Variants in FSTL5 observed in about 807,000 individuals in gnomAD.
The protein encoded by FSTL5 is follistatin-related protein 5.
In FSTL5, 62 loss-of-function variants were observed where a neutral mutation model predicts 89.1. That is an observed-to-expected ratio of 0.70 (90% confidence interval 0.57 to 0.86). FSTL5 has a LOEUF of 0.86. FSTL5 is among the 40% of genes least tolerant of loss of function. The probability of loss-of-function intolerance (pLI) is 0.00; values close to 1 mark genes in which losing one functional copy is unlikely to be tolerated. For missense variants in FSTL5, 1,057 were observed against 1,001.6 expected (o/e 1.06, Z -0.75); for synonymous variants, 383 against 346.2 (o/e 1.11, Z -1.18).
chr4:161,951,797 T>A (rs1346753611), intron 3 of FSTL5, among the ~76,000 whole-genome samples: 1 of 152,034 alleles, frequency 6.6e-6, no homozygotes, highest in East Asian at 1.9e-4. Context: ...GAAATGTACT[T>A]TGAGATTTTA....
chr4:161,725,565 AAT>A (rs577632151), intron 6 of FSTL5, among the ~76,000 whole-genome samples: 141 of 151,994 alleles, frequency 9.3e-4, no homozygotes, highest in African/African-American at 3.1e-3. Flanking sequence ...CTTTTGAAAA[AAT>A]ATATTTTCTT....
At chr4:162,066,299 T>TTTC (rs1222795843) in intron 2 of FSTL5, among the ~76,000 whole-genome samples, 22 of 70,156 alleles carry the variant, frequency 3.1e-4, no homozygotes, top group African/African-American at 1.1e-3. Context: ...TCCTCCTACT[T>TTTC]TTCTTCTTCT....
chr4:161,423,261 A>G (rs577223066), intron 15 of FSTL5, among the ~76,000 whole-genome samples: 16 of 152,326 alleles, frequency 1.1e-4, no homozygotes, highest in African/African-American at 3.1e-4. Context: ...AGTATAAAAT[A>G]TTATGATCCT....
rs750267215 is a variant in FSTL5, at chr4:162,048,577, C to T, written c.127-14919G>A. Among the ~76,000 whole-genome samples, 2 of 140,496 alleles carry T rather than the reference C, an allele frequency of 1.4e-5. 1 individual carries two copies. Among genetic ancestry groups the T allele is most frequent in the African/African-American group, 5.4e-5 (2 of 36,770 alleles). 92.2% of individuals were successfully genotyped at this position (140,496 alleles called of 152,430 possible). Reference sequence around the variant, plus strand: ...AAAATGTTGACTTACTGCACATGTACATTTAATACCATTATACACATACAC... The same window carrying T: ...AAAATGTTGACTTACTGCACATGTATATTTAATACCATTATACACATACAC... On this transcript the variant is annotated intron_variant, in intron 2 of 15. Coordinates refer to ENST00000306100, the MANE Select transcript of FSTL5 (RefSeq NM_020116.5).
At chr4:161,772,483 T>A (rs189189435) in intron 5 of FSTL5, among the ~76,000 whole-genome samples, 1 of 143,762 alleles carries the variant, frequency 7.0e-6, no homozygotes, top group Admixed American at 6.8e-5. Context: ...CTAGAACTGA[T>A]AAATGAATTC....
intron 2 of FSTL5, among the ~76,000 whole-genome samples, chr4:162,046,684 A>C (rs1198368946): frequency 6.6e-6 from 1 of 152,186 alleles, no homozygotes; most frequent in Non-Finnish European, 1.5e-5. Flanking sequence ...GTGATAAATA[A>C]TGATGATTTT....
chr4:161,862,527 G>C (rs1032899295), intron 4 of FSTL5, among the ~76,000 whole-genome samples: 1 of 152,130 alleles, frequency 6.6e-6, no homozygotes, highest in Non-Finnish European at 1.5e-5. Flanking sequence ...CAGGTCAAGA[G>C]ATAGAGACCA....
chr4:161,934,392 G>A (rs1045043849), intron 3 of FSTL5, among the ~76,000 whole-genome samples: 1 of 152,044 alleles, frequency 6.6e-6, no homozygotes, highest in Non-Finnish European at 1.5e-5. Context: ...TAGAAGAAAA[G>A]AAAGTATTTA....
chr4:161,884,831 G>A (rs745916991), intron 4 of FSTL5, among the ~76,000 whole-genome samples: 10 of 152,138 alleles, frequency 6.6e-5, no homozygotes, highest in Non-Finnish European at 1.3e-4. Flanking sequence ...TGAAACTGAT[G>A]TTCGTCTTGC....
intron 6 of FSTL5, among the ~76,000 whole-genome samples, chr4:161,657,467 AT>A (rs1560774610): frequency 6.6e-6 from 1 of 152,172 alleles, no homozygotes; most frequent in Non-Finnish European, 1.5e-5. Flanking sequence ...GAGTGAAATA[AT>A]TGTCCTCTGT....
chr4:161,844,019 T>C (rs577835945), intron 4 of FSTL5, among the ~76,000 whole-genome samples: 1 of 152,018 alleles, frequency 6.6e-6, no homozygotes, highest in Non-Finnish European at 1.5e-5. Flanking sequence ...ACCTATAGAA[T>C]TGGAGAAAAT....
chr4:161,535,365 C>T (rs1226501614), intron 10 of FSTL5, among the ~76,000 whole-genome samples: 1 of 151,936 alleles, frequency 6.6e-6, no homozygotes, highest in Non-Finnish European at 1.5e-5. Context: ...AATCTACAAA[C>T]ATCTTAAATC....
intron 5 of FSTL5, among the ~76,000 whole-genome samples, chr4:161,774,229 C>T (rs1448275728): frequency 6.6e-6 from 1 of 152,066 alleles, no homozygotes; most frequent in Non-Finnish European, 1.5e-5. Context: ...GGTGTGATTT[C>T]CCTACAACAT....
intron 8 of FSTL5, among the ~76,000 whole-genome samples, chr4:161,569,354 C>T (rs1289306865): frequency 6.6e-6 from 1 of 152,058 alleles, no homozygotes; most frequent in African/African-American, 2.4e-5. Context: ...TTTCAAATAC[C>T]AGAATTACAT....
intron 13 of FSTL5, 80 bp downstream of exon 13, chr4:161,480,939 CA>C (rs1182220753): frequency 1.0e-6 from 1 of 956,938 alleles, no homozygotes; most frequent in East Asian, 2.9e-5. Context: ...CAGTGACAAT[CA>C]AGTTACCTGG....
intron 4 of FSTL5, among the ~76,000 whole-genome samples, chr4:161,784,969 T>C (rs775806971): frequency 2.3e-4 from 35 of 151,708 alleles, no homozygotes; most frequent in Non-Finnish European, 4.7e-4. Flanking sequence ...ATCTAACACA[T>C]TTTTAACCCG....
At chr4:161,906,088 A>ACTTT (rs1733514409) in intron 4 of FSTL5, among the ~76,000 whole-genome samples, 1 of 151,968 alleles carries the variant, frequency 6.6e-6, no homozygotes, top group Non-Finnish European at 1.5e-5. Context: ...TAATAACCAT[A>ACTTT]CTTTCTTTAG....
chr4:162,067,009 T>G (rs1158724143), intron 2 of FSTL5, among the ~76,000 whole-genome samples: 1 of 152,030 alleles, frequency 6.6e-6, no homozygotes, highest in Non-Finnish European at 1.5e-5. Flanking sequence ...CGCCACACTG[T>G]CTTCCACAAT....
At position 161,759,492 on chromosome 4, in the gene FSTL5, A is replaced by G. The variant is rs1410022683; in HGVS notation, c.646T>C (p.Cys216Arg). The change falls in exon 6 of 16, where the codon TGT becomes CGT. Residue 216 changes from cysteine (C) to arginine (R), a missense_variant. Cys to Arg is a radical substitution (Grantham distance 180). This residue lies in a region of FSTL5 where 980 missense variants were observed against 903.2 expected (regional missense o/e 1.08). Coordinates refer to ENST00000306100, the MANE Select transcript of FSTL5 (RefSeq NM_020116.5). Reference protein sequence around the residue: ...QEELGKDLFDCTLYVLLKYDD... With the variant: ...QEELGKDLFDRTLYVLLKYDD... ...TATTTCAATAGAACATACAAAGTAC[A>G]ATCAAAGAGATCCTTGCCAAGTTCT... The G allele has an allele frequency of 6.3e-7, 1 of 1,584,854 alleles. No homozygotes were observed.
Sources: gnomAD v4.1 joint callset for allele counts (sites outside exome capture counted in the v4.1 genomes callset) on GRCh38, gnomAD v4.1.1 for gene constraint, gnomAD v4.1.1 regional missense constraint, MANE v1.5 for transcripts, NCBI Gene and HGNC (gene_info 2026-07-23, HGNC 2026-07-21) for gene names.